Variants in STX4 observed in about 807,000 individuals in gnomAD.
STX4 encodes the protein syntaxin-4.
In STX4, 24 loss-of-function variants were observed where a neutral mutation model predicts 41.8. The observed-to-expected ratio is 0.57, with a 90% CI of 0.42 to 0.81. The LOEUF (loss-of-function observed/expected upper bound fraction) is 0.81, where lower values mean the gene tolerates loss of function less well. Among genes scored for constraint, STX4 ranks in the 30% least tolerant of loss-of-function variants. The pLI is 0.00. For synonymous variants in STX4, 158 were observed against 156.4 expected (o/e 1.01, Z -0.08); for missense variants, 316 against 389.9 (o/e 0.81, Z 1.60).
At position 31,033,698 on chromosome 16, in the gene STX4, G is replaced by C. The variant is rs1596733607; in HGVS notation, c.-108G>C. The C allele has an allele frequency of 1.1e-5, 16 of 1,446,900 alleles. No individual in the cohort carries two copies. Among genetic ancestry groups the C allele is most frequent in the Non-Finnish European group, 1.4e-5 (15 of 1,102,210 alleles). 89.6% of individuals were successfully genotyped at this position (1,446,900 alleles called of 1,614,324 possible). A position where few individuals can be genotyped will look rare whatever the true frequency, so the allele number is the denominator to read the frequency against. On this transcript the variant is annotated 5_prime_UTR_variant, in exon 1 of 11. Coordinates refer to ENST00000313843, the MANE Select transcript of STX4 (RefSeq NM_004604.5). The surrounding 1 kb of genome is among the most constrained non-coding windows in gnomAD (Gnocchi z 5.5). The stretch of plus-strand genomic sequence containing the variant: ...CCTCTGGCGGCTCGTGGGGGTGTTG[G>C]GGTCCGCAGGGGGAGGGAGGGGAGT...
At chr16:31,038,484 T>C (rs2056820043) in intron 7 of STX4, 26 bp from the exon 8 acceptor site, 4 of 1,613,316 alleles carry the variant, frequency 2.5e-6, no homozygotes, top group Non-Finnish European at 3.4e-6. Context: ...CTGTGAACAG[T>C]TGCCCCACTC....
chr16:31,033,192 C>A (rs2056767963), upstream of STX4: 2 of 602,156 alleles, frequency 3.3e-6, no homozygotes, highest in Non-Finnish European at 3.2e-6. The surrounding 1 kb of genome is among the most constrained non-coding windows in gnomAD (Gnocchi z 5.5). Flanking sequence ...GTGCCGGGGA[C>A]GTCGTGATGA....
chr16:31,037,552 C>T (rs988405207), intron 5 of STX4, among the ~76,000 whole-genome samples: 10 of 151,156 alleles, frequency 6.6e-5, no homozygotes, highest in African/African-American at 1.5e-4. Context: ...CCCAGCTACT[C>T]GGGAGGCTGA....
Position 31,034,442 on chromosome 16 carries a change from C to A in STX4, c.233-20C>A, listed in dbSNP as rs200038922. On this transcript the variant is annotated intron_variant, in intron 3 of 10. Coordinates refer to ENST00000313843, the MANE Select transcript of STX4 (RefSeq NM_004604.5). The stretch of plus-strand genomic sequence containing the variant: ...GAGGTGGGGGCTGCTGTTTGGGAGT[C>A]TTGGCCTTCTCTTATTCAGGCATGA... The A allele has an allele frequency of 1.2e-5, 19 of 1,598,812 alleles. No individual in the cohort carries two copies. Among genetic ancestry groups the A allele is most frequent in the Non-Finnish European group, 1.6e-5 (19 of 1,170,774 alleles).
At position 31,034,459 on chromosome 16, in the gene STX4, C is replaced by A; in HGVS notation, c.233-3C>A. The A allele has an allele frequency of 6.2e-7, 1 of 1,601,578 alleles. No homozygotes were observed. Among genetic ancestry groups the A allele is most frequent in the South Asian group, 1.1e-5 (1 of 89,718 alleles). ...TTGGGAGTCTTGGCCTTCTCTTATTCAGGCATGAAGCAGGAGCTGCAGAAC... is the reference window on the plus strand; with the variant it reads ...TTGGGAGTCTTGGCCTTCTCTTATTAAGGCATGAAGCAGGAGCTGCAGAAC... On this transcript the variant is annotated splice_polypyrimidine_tract_variant and splice_region_variant and intron_variant, in intron 3 of 10. Transcript: ENST00000313843.
upstream of STX4, chr16:31,033,503 C>T: frequency 1.9e-6 from 3 of 1,550,604 alleles, no homozygotes; most frequent in Non-Finnish European, 2.6e-6. The surrounding 1 kb of genome is among the most constrained non-coding windows in gnomAD (Gnocchi z 5.5). Context: ...CAGCCTCGGG[C>T]AAGGAAGAGA....
Position 31,033,831 on chromosome 16 carries a change from G to T in STX4, c.26G>T (p.Arg9Ile), listed in dbSNP as rs1321458125. Residue 9 changes from arginine to isoleucine, a missense_variant, in exon 1 of 11, where the codon AGA (arginine) becomes ATA (isoleucine). Physicochemically the swap from Arg to Ile is moderately conservative, Grantham distance 97. Coordinates refer to ENST00000313843, the MANE Select transcript of STX4 (RefSeq NM_004604.5). This position sits in a 1 kb window ranked among gnomAD's most constrained non-coding sequence, Gnocchi z 5.5. ...ATGCGGGACAGGACCCACGAGCTGA[G>T]ACAGGTGAGACGCCAGGGCAGCGGG... MRDRTHEL[R>I]QGDDSSDEED... 6.9e-7 allele frequency: 1 copy of T among 1,453,806 alleles called. No homozygotes were observed. Among genetic ancestry groups the T allele is most frequent in the African/African-American group, 1.4e-5 (1 of 70,100 alleles). The allele number at this position is 1,453,806 out of a possible 1,614,324, so 90.1% of individuals were successfully genotyped here. A position where few individuals can be genotyped will look rare whatever the true frequency, so the allele number is the denominator to read the frequency against.
intron 5 of STX4, 120 bp downstream of exon 5, chr16:31,035,160 A>C: frequency 1.3e-6 from 1 of 742,696 alleles, no homozygotes; most frequent in Non-Finnish European, 2.0e-6. Flanking sequence ...GACTTTTCCA[A>C]ATGGGGAAAC....
At position 31,038,541 on chromosome 16, in the gene STX4, C is replaced by A. The variant is rs1319014234; in HGVS notation, c.596C>A (p.Ala199Asp). 6.2e-7 allele frequency: 1 copy of A among 1,614,146 alleles called. No individual in the cohort carries two copies. Among genetic ancestry groups the A allele is most frequent in the South Asian group, 1.1e-5 (1 of 91,086 alleles). ...ILKDTQVTRQ[A>D]LNEISARHSE... ...AAGGACACGCAGGTGACTCGACAGG[C>A]CTTAAATGAGATCTCGGCCCGGCAC... Residue 199 changes from alanine to aspartate, a missense_variant, in exon 8 of 11, where the codon GCC (alanine) becomes GAC (aspartate). By Grantham distance (126) the Ala-to-Asp change is moderately radical. Coordinates refer to ENST00000313843, the MANE Select transcript of STX4 (RefSeq NM_004604.5).
At position 31,034,335 on chromosome 16, in the gene STX4, A is replaced by ACC; in HGVS notation, c.232+13_232+14dup. On this transcript the variant is annotated intron_variant, in intron 3 of 10. Coordinates refer to ENST00000313843, the MANE Select transcript of STX4 (RefSeq NM_004604.5). ...CCCCTTCCCGAGGAGAGTGAGTGAA[A>ACC]CCCCGGCTGCAGGGCGCATGCTCCG... 1 of 1,613,756 alleles carries ACC rather than the reference A, an allele frequency of 6.2e-7. No individual in the cohort carries two copies. The highest frequency in any genetic ancestry group is 1.1e-5 in the South Asian group (1 of 91,040).
chr16:31,033,529 A>C (rs2056771267), upstream of STX4: 1 of 1,549,654 alleles, frequency 6.5e-7, no homozygotes, highest in Admixed American at 2.0e-5. This position sits in a 1 kb window ranked among gnomAD's most constrained non-coding sequence, Gnocchi z 5.5. Flanking sequence ...CCATGTGCGC[A>C]TGCCCCGAAT....
In STX4 at chr16:31,034,762, G is replaced by A. The variant is rs141681604; in HGVS notation, c.308-208G>A. 1.3e-4 allele frequency: 90 copies of A among 675,578 alleles called. No individual in the cohort carries two copies. In the African/African-American group the frequency reaches 1.5e-3, roughly 11 times the overall value. 41.8% of individuals were successfully genotyped at this position (675,578 alleles called of 1,614,324 possible). A position where few individuals can be genotyped will look rare whatever the true frequency, so the allele number is the denominator to read the frequency against. On this transcript the variant is annotated intron_variant, in intron 4 of 10. Transcript: ENST00000313843. The stretch of plus-strand genomic sequence containing the variant: ...GAAACCATTTACTTACACAGTTATC[G>A]CTGCCCACTGGGCATTCTTTGGGCA...
chr16:31,039,617 A>G lies in STX4; in HGVS notation c.779A>G (p.Lys260Arg), dbSNP rs750008975. Residue 260 changes from lysine (K) to arginine (R), a missense_variant, in exon 9 of 11, where the codon AAG becomes AGG. Coordinates refer to ENST00000313843, the MANE Select transcript of STX4 (RefSeq NM_004604.5). The surrounding 1 kb of genome is among the most constrained non-coding windows in gnomAD (Gnocchi z 4.1). Reference protein sequence around the residue: ...DYVERGQEHVKTALENQKKAR... With the variant: ...DYVERGQEHVRTALENQKKAR... Reference sequence around the variant, plus strand: ...GTGGAACGTGGGCAGGAGCACGTCAAGACGGCCCTGGAGAACCAGAAGAAG... The same window carrying G: ...GTGGAACGTGGGCAGGAGCACGTCAGGACGGCCCTGGAGAACCAGAAGAAG... 1 of 1,614,174 alleles carries G rather than the reference A, an allele frequency of 6.2e-7. No homozygotes were observed. The highest frequency in any genetic ancestry group is 1.7e-5 in the Admixed American group (1 of 60,028).
At chr16:31,036,229 T>C (rs1596736505) in intron 5 of STX4, among the ~76,000 whole-genome samples, 1 of 151,978 alleles carries the variant, frequency 6.6e-6, no homozygotes, top group East Asian at 1.9e-4. Context: ...AGCTTGGGCA[T>C]CTTGGAAGGG....
chr16:31,035,021 C>T lies in STX4; in HGVS notation c.359C>T (p.Thr120Ile). Residue 120 changes from threonine (T) to isoleucine (I), a missense_variant, in exon 5 of 11, where the codon ACA becomes ATA. By Grantham distance (89) the Thr-to-Ile change is moderately conservative. Coordinates refer to ENST00000313843, the MANE Select transcript of STX4 (RefSeq NM_004604.5). ...EADENYNSVN[T>I]RMRKTQHGVL... Reference sequence around the variant, plus strand: ...GATGAGAACTATAACTCCGTCAACACAAGAATGAGAAAAACCCAGGTGGGT... The same window carrying T: ...GATGAGAACTATAACTCCGTCAACATAAGAATGAGAAAAACCCAGGTGGGT... The T allele has an allele frequency of 6.2e-7, 1 of 1,609,318 alleles. No individual in the cohort carries two copies. Among genetic ancestry groups the T allele is most frequent in the Non-Finnish European group, 8.5e-7 (1 of 1,178,584 alleles).
chr16:31,038,945 C>G, intron 8 of STX4: 1 of 360,376 alleles, frequency 2.8e-6, no homozygotes, highest in Non-Finnish European at 5.3e-6. Flanking sequence ...TTATACCTCT[C>G]AGAGGTCCAG....
At chr16:31,038,235 C>T in intron 7 of STX4, 45 bp downstream of exon 7, 2 of 1,608,664 alleles carry the variant, frequency 1.2e-6, no homozygotes, top group East Asian at 4.5e-5. Context: ...CTCCCATCCC[C>T]TCTGAGTCCT....
In STX4 at chr16:31,039,865, A is replaced by T; in HGVS notation, c.*15+47A>T. 2 of 1,574,774 alleles carry T rather than the reference A, an allele frequency of 1.3e-6. No homozygotes were observed. The highest frequency in any genetic ancestry group is 1.7e-6 in the Non-Finnish European group (2 of 1,145,324). On this transcript the variant is annotated intron_variant, in intron 10 of 10. Transcript: ENST00000313843. The surrounding 1 kb of genome is among the most constrained non-coding windows in gnomAD (Gnocchi z 4.1). ...CCTGGCCTGCCCCAGCCCTGGCCCC[A>T]GCCCTCCCTCCTCCCTCAGACCCTG...
Position 31,038,581 on chromosome 16 carries a change from G to A in STX4, c.636G>A (p.Gln212=). The A allele has an allele frequency of 6.2e-7, 1 of 1,614,126 alleles. No individual in the cohort carries two copies. The highest frequency in any genetic ancestry group is 8.5e-7 in the Non-Finnish European group (1 of 1,180,030). The change falls in exon 8 of 11, where the codon CAG becomes CAA. Residue 212 remains glutamine (Q), a synonymous_variant. Transcript: ENST00000313843. ...EISARHSEIQ[Q]LERSIRELHD... ...CGGCCCGGCACAGTGAGATCCAGCA[G>A]CTTGAACGCAGTATTCGTGAGCTGC...
Sources: allele counts gnomAD v4.1 joint callset (sites outside exome capture counted in the v4.1 genomes callset), GRCh38; gene constraint gnomAD v4.1.1; non-coding constraint Gnocchi (gnomAD v3.1); transcripts MANE v1.5; gene names NCBI Gene and HGNC (gene_info 2026-07-23, HGNC 2026-07-21).